The following SUGT1 variants were observed in gnomAD, a reference collection of about 807,000 sequenced individuals.
SUGT1 encodes the protein SGT1 assembly cochaperone of MIS12 kinetochore complex, also known as protein SGT1 homolog.
SUGT1 carries 15 observed loss-of-function variants against 56.1 expected under a neutral mutation model. That is an observed-to-expected ratio of 0.27 (90% CI 0.18 to 0.41). The LOEUF (loss-of-function observed/expected upper bound fraction) is 0.41, where lower values mean the gene tolerates loss of function less well. SUGT1 is among the 10% of genes least tolerant of loss of function. The probability of loss-of-function intolerance (pLI) is 1.00; values close to 1 mark genes in which losing one functional copy is unlikely to be tolerated. For synonymous variants in SUGT1, 123 were observed against 128.6 expected (o/e 0.96, Z 0.30); for missense variants, 347 against 382.2 (o/e 0.91, Z 0.77).
At chr13:52,655,071 C>T (rs965734463) in intron 2 of SUGT1, among the ~76,000 whole-genome samples, 5 of 152,212 alleles carry the variant, frequency 3.3e-5, no homozygotes, top group Non-Finnish European at 5.9e-5. Flanking sequence ...TGCAGCCGGG[C>T]GCGGTGGCTC....
chr13:52,657,686 C>G, intron 3 of SUGT1, 64 bp downstream of exon 3: 1 of 1,447,354 alleles, frequency 6.9e-7, no homozygotes, highest in Non-Finnish European at 9.5e-7. Context: ...TTACCCATGA[C>G]AAATTAAAAG....
At chr13:52,676,200 G>A in intron 10 of SUGT1, 30 bp from the exon 11 acceptor site, 1 of 1,570,288 alleles carries the variant, frequency 6.4e-7, no homozygotes, top group African/African-American at 1.4e-5. Flanking sequence ...TTTACGTCGA[G>A]TAATGGAGTT....
intron 7 of SUGT1, among the ~76,000 whole-genome samples, chr13:52,663,466 A>G (rs923445796): frequency 6.6e-6 from 1 of 152,146 alleles, no homozygotes; most frequent in African/African-American, 2.4e-5. Context: ...GGCTAAGACA[A>G]AAGTTAAAGA....
chr13:52,653,064 G>C lies in SUGT1; in HGVS notation c.57G>C (p.Ser19=). The stretch of plus-strand genomic sequence containing the variant: ...CTGACAGGTTTTTCCAGAGCTTCTC[G>C]GATGCCCTAATCGACGAGGACCCCC... ...ATSQRFFQSF[S]DALIDEDPQA... is the part of the protein sequence containing the mutation. The change falls in exon 2 of 13, where the codon TCG becomes TCC. Residue 19 remains serine, a synonymous_variant. Transcript: ENST00000310528. The C allele has an allele frequency of 6.2e-7, 1 of 1,614,108 alleles. No individual in the cohort carries two copies.
intron 10 of SUGT1, 44 bp from the exon 11 acceptor site, chr13:52,676,186 G>T: frequency 6.7e-7 from 1 of 1,499,966 alleles, no homozygotes. Context: ...ACTGTTTTGT[G>T]TATTTTACGT....
chr13:52,680,220 T>C, intron 12 of SUGT1, 65 bp downstream of exon 12: 1 of 1,485,716 alleles, frequency 6.7e-7, no homozygotes, highest in South Asian at 1.3e-5. Context: ...ACGAGAAAAT[T>C]GGTAATGTGA....
intron 2 of SUGT1, among the ~76,000 whole-genome samples, chr13:52,653,480 G>T (rs1426367787): frequency 6.6e-6 from 1 of 152,074 alleles, no homozygotes; most frequent in Non-Finnish European, 1.5e-5. Context: ...CCATTCTTAC[G>T]TAAAAGTGTC....
At chr13:52,665,518 G>GTTA in intron 8 of SUGT1, 119 bp from the exon 9 acceptor site, 1 of 410,936 alleles carries the variant, frequency 2.4e-6, no homozygotes, top group Non-Finnish European at 4.1e-6. Context: ...ATCAGTAGTT[G>GTTA]CTTTGCTGTT....
chr13:52,684,420 TG>T (rs202121593), intron 12 of SUGT1, among the ~76,000 whole-genome samples: 136,684 of 150,496 alleles, frequency 0.91, 62,225 homozygotes, highest in East Asian at 0.99. Flanking sequence ...TCTATTTTTT[TG>T]TTCTACATTT....
intron 5 of SUGT1, among the ~76,000 whole-genome samples, chr13:52,661,796 A>G (rs993940230): frequency 2.6e-5 from 4 of 152,156 alleles, no homozygotes; most frequent in African/African-American, 9.7e-5. Context: ...GTGAGAGTGT[A>G]TTTAAATTTT....
intron 2 of SUGT1, among the ~76,000 whole-genome samples, chr13:52,653,650 C>T (rs1962025242): frequency 6.6e-6 from 1 of 152,020 alleles, no homozygotes; most frequent in African/African-American, 2.4e-5. Context: ...GGGTTAAAGT[C>T]TTGGTTATAT....
chr13:52,664,835 C>T (rs908063690), intron 8 of SUGT1, among the ~76,000 whole-genome samples: 3 of 152,022 alleles, frequency 2.0e-5, no homozygotes, highest in Non-Finnish European at 4.4e-5. Context: ...GTGTTCAGAG[C>T]ATAAAATAAT....
chr13:52,658,616 CT>C, intron 4 of SUGT1, 148 bp downstream of exon 4: 1 of 697,802 alleles, frequency 1.4e-6, no homozygotes, highest in Non-Finnish European at 2.2e-6. Flanking sequence ...TTAAATACAA[CT>C]TATAGTTCTA....
intron 12 of SUGT1, 118 bp downstream of exon 12, chr13:52,680,273 A>G (rs1243859209): frequency 4.4e-6 from 4 of 912,160 alleles, no homozygotes; most frequent in African/African-American, 3.5e-5. Flanking sequence ...TTTTTGAATA[A>G]GGTCTGTCTG....
intron 2 of SUGT1, 116 bp downstream of exon 2, chr13:52,653,219 T>G: frequency 8.0e-7 from 1 of 1,252,682 alleles, no homozygotes; most frequent in East Asian, 2.3e-5. Flanking sequence ...CTCTTGTTGA[T>G]GCTGCGTCTC....
At chr13:52,659,883 C>A (rs1368108610) in intron 5 of SUGT1, among the ~76,000 whole-genome samples, 1 of 130,794 alleles carries the variant, frequency 7.6e-6, no homozygotes, top group Non-Finnish European at 1.6e-5. Context: ...GGCTGGAGTG[C>A]AGTGGCGCGA....
Position 52,700,722 on chromosome 13 carries a change from C to T in SUGT1, c.*12887C>T, listed in dbSNP as rs1400041777. 2 of 152,122 alleles carry T rather than the reference C, an allele frequency of 1.3e-5. No individual in the cohort carries two copies. Among genetic ancestry groups the T allele is most frequent in the South Asian group, 2.1e-4 (1 of 4,816 alleles). The allele number at this position is 152,122 out of a possible 1,614,324, so 9.4% of individuals were successfully genotyped here. A position where few individuals can be genotyped will look rare whatever the true frequency, so the allele number is the denominator to read the frequency against. The stretch of plus-strand genomic sequence containing the variant: ...CATGTAGACTTTGGTCAACTCTCTC[C>T]TCCTCCCTCAATAAATCAGTTAACT... On this transcript the variant is annotated 3_prime_UTR_variant, in exon 13 of 13. Coordinates refer to ENST00000310528, the MANE Select transcript of SUGT1 (RefSeq NM_006704.5).
intron 2 of SUGT1, 84 bp downstream of exon 2, chr13:52,653,187 C>A: frequency 1.3e-6 from 2 of 1,522,354 alleles, no homozygotes; most frequent in East Asian, 2.3e-5. Context: ...CTTCTCCCCG[C>A]ACCGCCGGAC....
In SUGT1 at chr13:52,696,480, C is replaced by G. The variant is rs1963935929; in HGVS notation, c.*8645C>G. ...AGTGTTATTTACTTAAGCTTTGGAT[C>G]TTTGATACATAGCGTAGTGCCTTTC... is the stretch of plus-strand genomic sequence containing the variant. On this transcript the variant is annotated 3_prime_UTR_variant, in exon 13 of 13. Transcript: ENST00000310528. 6.6e-6 allele frequency: 1 copy of G among 152,120 alleles called. No homozygotes were observed. The highest frequency in any genetic ancestry group is 2.4e-5 in the African/African-American group (1 of 41,408). 9.4% of individuals were successfully genotyped at this position (152,120 alleles called of 1,614,324 possible).
Sources: allele counts gnomAD v4.1 joint callset (sites outside exome capture counted in the v4.1 genomes callset), GRCh38; gene constraint gnomAD v4.1.1; transcripts MANE v1.5; gene names NCBI Gene and HGNC (gene_info 2026-07-23, HGNC 2026-07-21).